Variants in FPR3 observed in about 807,000 individuals in gnomAD.
The protein encoded by FPR3 is formyl peptide receptor 3, also known as N-formyl peptide receptor 3.
For missense variants in FPR3, 346 were observed against 443.2 expected (o/e 0.78, Z 1.97); for synonymous variants, 135 against 163.6 (o/e 0.83, Z 1.34).
At chr19:51,817,806 C>T (rs2084151191) in intron 1 of FPR3, 1 of 152,142 alleles carries the variant, frequency 6.6e-6, no homozygotes. Context: ...AAGCCAGGGA[C>T]TGGCCACAAG....
chr19:51,804,289 G>A (rs761098243), intron 1 of FPR3, among the ~76,000 whole-genome samples: 11 of 152,144 alleles, frequency 7.2e-5, no homozygotes, highest in Admixed American at 1.3e-4. Context: ...TTTAAGTACT[G>A]GGCAGAATCC....
chr19:51,820,479 C>T (rs1171305445), intron 1 of FPR3, among the ~76,000 whole-genome samples: 3 of 152,204 alleles, frequency 2.0e-5, no homozygotes, highest in Non-Finnish European at 2.9e-5. Flanking sequence ...CTCTGGTCCA[C>T]GGTTCTCTTC....
At chr19:51,810,059 C>A (rs2122441665) in intron 1 of FPR3, among the ~76,000 whole-genome samples, 1 of 152,288 alleles carries the variant, frequency 6.6e-6, no homozygotes, top group East Asian at 1.9e-4. Context: ...ATTGTAAGGT[C>A]CTTTCTGTAC....
At chr19:51,808,203 G>A (rs185399030) in intron 1 of FPR3, among the ~76,000 whole-genome samples, 8 of 152,258 alleles carry the variant, frequency 5.3e-5, no homozygotes, top group African/African-American at 1.9e-4. Flanking sequence ...ACCTAACATC[G>A]GTCATGGCCA....
At chr19:51,804,850 G>A (rs1254686004) in intron 1 of FPR3, 1 of 152,220 alleles carries the variant, frequency 6.6e-6, no homozygotes, top group Non-Finnish European at 1.5e-5. Flanking sequence ...CTTGCCTCTA[G>A]TGGACAAGGC....
chr19:51,798,318 C>T (rs10412841), intron 1 of FPR3, among the ~76,000 whole-genome samples: 3 of 152,036 alleles, frequency 2.0e-5, no homozygotes, highest in Admixed American at 6.5e-5. Flanking sequence ...CTCTGGATAG[C>T]GGCCAGGGGT....
intron 1 of FPR3, among the ~76,000 whole-genome samples, 173 bp downstream of exon 1, chr19:51,795,504 CTTTTTTT>C (rs58620565): frequency 8.2e-4 from 61 of 74,728 alleles, no homozygotes; most frequent in South Asian, 2.5e-3. Flanking sequence ...CAGTAACATT[CTTTTTTT>C]TTTTTTTTTT....
intron 1 of FPR3, among the ~76,000 whole-genome samples, chr19:51,820,493 A>G (rs759264725): frequency 1.2e-4 from 19 of 152,152 alleles, no homozygotes; most frequent in Middle Eastern, 6.3e-3. Context: ...TCTCTTCTCC[A>G]CTTTGTAACT....
At chr19:51,816,764 G>A (rs1396235484) in intron 1 of FPR3, among the ~76,000 whole-genome samples, 4 of 152,178 alleles carry the variant, frequency 2.6e-5, no homozygotes, top group Non-Finnish European at 2.9e-5. Context: ...TGTGCGATCT[G>A]ATGCTATCTC....
chr19:51,814,499 G>C (rs1568430405), intron 1 of FPR3, among the ~76,000 whole-genome samples: 1 of 141,972 alleles, frequency 7.0e-6, no homozygotes. Context: ...TGTTTGTTTT[G>C]TTTTTTTGTT....
rs927532893 is a variant in FPR3 at position 51,802,217 on chromosome 19, T to A, written c.-11+6886T>A. On this transcript the variant is annotated intron_variant, in intron 1 of 1. Coordinates refer to ENST00000339223, the MANE Select transcript of FPR3 (RefSeq NM_002030.5). Reference sequence around the variant, plus strand: ...GTTCCCAAATCTGAAAAAAAAAAAATTCGTAAAAATGCCTTACGATGGATG... The same window carrying A: ...GTTCCCAAATCTGAAAAAAAAAAAAATCGTAAAAATGCCTTACGATGGATG... 8.6e-5 allele frequency among the ~76,000 whole-genome samples: 13 copies of A among 151,428 alleles called. 1 individual carries two copies. The highest frequency in any genetic ancestry group is 2.9e-4 in the African/African-American group (12 of 41,270).
chr19:51,801,111 G>A (rs1271179352), intron 1 of FPR3, among the ~76,000 whole-genome samples: 2 of 152,036 alleles, frequency 1.3e-5, no homozygotes, highest in Admixed American at 6.5e-5. Flanking sequence ...AAAAATAACA[G>A]AGAGACTGAC....
intron 1 of FPR3, among the ~76,000 whole-genome samples, chr19:51,802,291 C>T (rs1319050379): frequency 6.6e-6 from 1 of 152,000 alleles, no homozygotes; most frequent in Admixed American, 6.6e-5. Context: ...TCAGCCCAGA[C>T]CAGTGACAGA....
rs1428007577 is a variant in FPR3, at chr19:51,825,977, A to G, written c.*1167A>G. 6.0e-6 allele frequency: 1 copy of G among 166,940 alleles called. No individual in the cohort carries two copies. Among genetic ancestry groups the G allele is most frequent in the Non-Finnish European group, 1.5e-5 (1 of 68,122 alleles). 10.3% of individuals were successfully genotyped at this position (166,940 alleles called of 1,614,324 possible). On this transcript the variant is annotated 3_prime_UTR_variant, in exon 2 of 2. Transcript: ENST00000339223. ...TCTGGGGCTTTCTCTTTTTAAAGTC[A>G]GACTGTTGAAGGTTTCTTCTATTCT...
rs138947637 is a variant in FPR3, at chr19:51,820,021, C to A, written c.-10-3718C>A. ...GTCTTTATTCACAATAGCAAGGGCA[C>A]GTAAATTGAGGGTTAGGAAAGAAAA... On this transcript the variant is annotated intron_variant, in intron 1 of 1. Coordinates refer to ENST00000339223, the MANE Select transcript of FPR3 (RefSeq NM_002030.5). Among the ~76,000 whole-genome samples the A allele has an allele frequency of 9.7e-3, 1,467 of 151,912 alleles. 15 individuals are homozygous for A. The highest frequency in any genetic ancestry group is 0.018 in the Admixed American group (279 of 15,254).
chr19:51,807,029 A>G (rs2084063740), intron 1 of FPR3, among the ~76,000 whole-genome samples: 1 of 152,200 alleles, frequency 6.6e-6, no homozygotes, highest in Admixed American at 6.5e-5. Flanking sequence ...TATGGTTGAC[A>G]ATGTTGATTG....
intron 1 of FPR3, among the ~76,000 whole-genome samples, chr19:51,820,844 G>T (rs543857886): frequency 3.9e-5 from 6 of 152,278 alleles, no homozygotes; most frequent in African/African-American, 1.4e-4. Flanking sequence ...TAAAACTAAG[G>T]TTAGTCAATA....
intron 1 of FPR3, among the ~76,000 whole-genome samples, chr19:51,811,194 T>C (rs111770224): frequency 5.3e-5 from 8 of 152,328 alleles, no homozygotes; most frequent in African/African-American, 1.7e-4. Flanking sequence ...AAGACCTTTT[T>C]GATGAGCCCA....
rs992981025 is a variant in FPR3, at chr19:51,795,699, G to C, written c.-11+368G>C. ...TGGCTAATTTTTTGTATTTTTAGTA[G>C]AGACGGGGTTTCAATATGTTGGCCA... On this transcript the variant is annotated intron_variant, in intron 1 of 1. Coordinates refer to ENST00000339223, the MANE Select transcript of FPR3 (RefSeq NM_002030.5). Among the ~76,000 whole-genome samples the C allele has an allele frequency of 1.8e-4, 28 of 151,638 alleles. 1 individual carries two copies. The highest frequency in any genetic ancestry group is 6.8e-4 in the African/African-American group (28 of 41,330).
Sources: allele counts gnomAD v4.1 joint callset (sites outside exome capture counted in the v4.1 genomes callset), GRCh38; gene constraint gnomAD v4.1.1; transcripts MANE v1.5; gene names NCBI Gene and HGNC (gene_info 2026-07-23, HGNC 2026-07-21).